Variants in CTNND2 observed in about 807,000 individuals in gnomAD.
CTNND2 encodes catenin delta 2, also known as catenin delta-2.
In CTNND2, 22 loss-of-function variants were observed where a neutral mutation model predicts 144.4. The observed-to-expected ratio is 0.15, with a 90% CI of 0.11 to 0.22. The LOEUF (loss-of-function observed/expected upper bound fraction) is 0.22. Among genes scored for constraint, CTNND2 ranks in the 10% least tolerant of loss-of-function variants. The pLI is 1.00. For missense variants in CTNND2, 1,353 were observed against 1,618.8 expected, an observed-to-expected ratio of 0.84 and a Z score of 2.82; for synonymous variants, 751 against 695.6, an observed-to-expected ratio of 1.08 and a Z score of -1.25.
chr5:11,865,101 G>C (rs748599102), intron 1 of CTNND2, among the ~76,000 whole-genome samples: 1 of 151,876 alleles, frequency 6.6e-6, no homozygotes, highest in Non-Finnish European at 1.5e-5. Context: ...CTCTATGTTG[G>C]TCAGGCTGGT....
At chr5:11,682,024 G>GT (rs1163894026) in intron 2 of CTNND2, among the ~76,000 whole-genome samples, 1 of 152,196 alleles carries the variant, frequency 6.6e-6, no homozygotes, top group African/African-American at 2.4e-5. Context: ...TTCTGTGCAG[G>GT]TAAGTGCCTG....
chr5:11,675,205 C>T (rs1217878383), intron 2 of CTNND2, among the ~76,000 whole-genome samples: 2 of 152,162 alleles, frequency 1.3e-5, no homozygotes, highest in African/African-American at 2.4e-5. Context: ...AATATTCATA[C>T]TTTAAATGGG....
At chr5:11,783,298 T>C (rs571463908) in intron 1 of CTNND2, among the ~76,000 whole-genome samples, 25 of 152,300 alleles carry the variant, frequency 1.6e-4, no homozygotes, top group Non-Finnish European at 3.4e-4. Flanking sequence ...CTGTCTAATA[T>C]GCACTATTAT....
intron 2 of CTNND2, among the ~76,000 whole-genome samples, chr5:11,626,461 C>A (rs905052147): frequency 6.6e-6 from 1 of 152,176 alleles, no homozygotes; most frequent in Non-Finnish European, 1.5e-5. Context: ...GAAACACTAT[C>A]ATATTAGGAA....
At chr5:11,094,192 G>A (rs1051823162) in intron 15 of CTNND2, among the ~76,000 whole-genome samples, 1 of 152,144 alleles carries the variant, frequency 6.6e-6, no homozygotes, top group Non-Finnish European at 1.5e-5. Flanking sequence ...AAGCAAGACT[G>A]ACATCCTAAG....
At chr5:11,817,638 C>T (rs1212224985) in intron 1 of CTNND2, among the ~76,000 whole-genome samples, 1 of 151,990 alleles carries the variant, frequency 6.6e-6, no homozygotes, top group Admixed American at 6.6e-5. Flanking sequence ...AGACTTAAGA[C>T]ATAAAAGCCG....
At chr5:11,517,191 TC>T (rs1772244401) in intron 3 of CTNND2, among the ~76,000 whole-genome samples, 1 of 152,186 alleles carries the variant, frequency 6.6e-6, no homozygotes, top group Non-Finnish European at 1.5e-5. Flanking sequence ...CATGCAAGTA[TC>T]CTCTTATCTC....
rs187802742 is a variant in CTNND2 at position 11,789,510 on chromosome 5, T to A, written c.38-57238A>T. ...TATTATTTCTGCGAGTAAGAATATATTTTCTATTATATTTTCTAGTTATTT... is the reference window on the plus strand; with the variant it reads ...TATTATTTCTGCGAGTAAGAATATAATTTCTATTATATTTTCTAGTTATTT... On this transcript the variant is annotated intron_variant, in intron 1 of 21. Transcript: ENST00000304623. Among the ~76,000 whole-genome samples the A allele has an allele frequency of 5.3e-5, 8 of 152,300 alleles. 1 individual carries two copies. In the East Asian group the frequency reaches 1.5e-3, roughly 29 times the overall value.
intron 3 of CTNND2, among the ~76,000 whole-genome samples, chr5:11,548,473 AATT>A (rs1475044651): frequency 6.6e-6 from 1 of 152,244 alleles, no homozygotes; most frequent in African/African-American, 2.4e-5. Flanking sequence ...TGTTTCTGAA[AATT>A]ATATTTGTAT....
chr5:11,885,965 T>G (rs1393944380), intron 1 of CTNND2, among the ~76,000 whole-genome samples: 5 of 152,068 alleles, frequency 3.3e-5, no homozygotes, highest in East Asian at 1.9e-4. Context: ...ATTTTAAAAT[T>G]TATTGAAACA....
intron 9 of CTNND2, among the ~76,000 whole-genome samples, chr5:11,261,542 A>G (rs1319839413): frequency 6.6e-6 from 1 of 152,222 alleles, no homozygotes; most frequent in Non-Finnish European, 1.5e-5. Flanking sequence ...TTTGGCCTCC[A>G]TCTCAGACAC....
chr5:11,058,810 T>C (rs1746614817), intron 16 of CTNND2, among the ~76,000 whole-genome samples: 1 of 152,200 alleles, frequency 6.6e-6, no homozygotes, highest in African/African-American at 2.4e-5. Context: ...CCCAAGACTA[T>C]GGAAACCTAC....
intron 16 of CTNND2, among the ~76,000 whole-genome samples, chr5:11,029,126 G>A (rs1017702367): frequency 6.6e-6 from 1 of 152,200 alleles, no homozygotes; most frequent in Non-Finnish European, 1.5e-5. Flanking sequence ...GAATAATGGT[G>A]TGAACACGGA....
intron 3 of CTNND2, among the ~76,000 whole-genome samples, chr5:11,429,945 C>T (rs1763128712): frequency 6.6e-6 from 1 of 152,032 alleles, no homozygotes; most frequent in Non-Finnish European, 1.5e-5. Context: ...AGTTAATCTT[C>T]ATTTTCACTA....
At chr5:11,268,722 A>G (rs1390033179) in intron 9 of CTNND2, among the ~76,000 whole-genome samples, 1 of 152,210 alleles carries the variant, frequency 6.6e-6, no homozygotes, top group African/African-American at 2.4e-5. Context: ...ATGCCATCAC[A>G]ATCTGCATTT....
chr5:11,366,924 T>C (rs1757037355), intron 7 of CTNND2, among the ~76,000 whole-genome samples: 1 of 152,218 alleles, frequency 6.6e-6, no homozygotes, highest in Non-Finnish European at 1.5e-5. Flanking sequence ...GTGGCATTAA[T>C]CAAATTGATG....
intron 1 of CTNND2, among the ~76,000 whole-genome samples, chr5:11,865,831 C>T (rs200181710): frequency 3.6e-5 from 5 of 137,146 alleles, no homozygotes; most frequent in East Asian, 2.4e-4. Context: ...CCTGTTGACA[C>T]GGTCTTTGAA....
At chr5:11,200,443 A>T (rs1054035642) in intron 10 of CTNND2, among the ~76,000 whole-genome samples, 10 of 152,338 alleles carry the variant, frequency 6.6e-5, no homozygotes, top group African/African-American at 2.4e-4. Flanking sequence ...TACTTAACAC[A>T]CAGGCTATAT....
intron 10 of CTNND2, among the ~76,000 whole-genome samples, chr5:11,206,898 TACTC>T (rs1738103805): frequency 6.6e-6 from 1 of 152,260 alleles, no homozygotes; most frequent in Non-Finnish European, 1.5e-5. Flanking sequence ...CACTTACACT[TACTC>T]TCTCTCTCTC....
Sources: gnomAD v4.1 joint callset for allele counts (sites outside exome capture counted in the v4.1 genomes callset) on GRCh38, gnomAD v4.1.1 for gene constraint, MANE v1.5 for transcripts, NCBI Gene and HGNC (gene_info 2026-07-23, HGNC 2026-07-21) for gene names.